DNTT: variants seen among roughly 807,000 people sequenced by gnomAD.
The protein encoded by DNTT is DNA nucleotidylexotransferase.
DNTT carries 47 observed loss-of-function variants against 60.9 expected under a neutral mutation model. The ratio of observed to expected loss-of-function variants is 0.77; its 90% CI spans 0.61 to 0.98. DNTT has a LOEUF of 0.98. Ranked by LOEUF, DNTT falls within the 50% of genes least tolerant of loss-of-function variation. DNTT has a pLI of 0.00. For missense variants in DNTT, 665 were observed against 627.5 expected (o/e 1.06, Z -0.64); for synonymous variants, 224 against 221.2 (o/e 1.01, Z -0.11).
chr10:96,312,571 A>G (rs1844732770), intron 1 of DNTT, among the ~76,000 whole-genome samples: 1 of 152,222 alleles, frequency 6.6e-6, no homozygotes, highest in African/African-American at 2.4e-5. Flanking sequence ...TCAGCAGAAG[A>G]ATACAGGGCA....
chr10:96,328,567 C>CAGCG (rs1172887208), intron 7 of DNTT, among the ~76,000 whole-genome samples, 158 bp from the exon 8 acceptor site: 1 of 152,076 alleles, frequency 6.6e-6, no homozygotes. Context: ...TTGTAAGGAA[C>CAGCG]AGCGATGTGT....
At position 96,324,367 on chromosome 10, in the gene DNTT, A is replaced by G. The variant is rs1482017175; in HGVS notation, c.852A>G (p.Lys284=). Reference sequence around the variant, plus strand: ...AAGTAAGGTCGGACAAAAGCCTGAAATTTACACGAATGCAGAAAGCAGGTA... The same window carrying G: ...AAGTAAGGTCGGACAAAAGCCTGAAGTTTACACGAATGCAGAAAGCAGGTA... ...LSKVRSDKSL[K]FTRMQKAGFL... Residue 284 remains lysine (K), a synonymous_variant, in exon 6 of 11, where the codon AAA becomes AAG. Coordinates refer to ENST00000371174, the MANE Select transcript of DNTT (RefSeq NM_004088.4). 1 of 1,613,856 alleles carries G rather than the reference A, an allele frequency of 6.2e-7. No individual in the cohort carries two copies. Among genetic ancestry groups the G allele is most frequent in the Non-Finnish European group, 8.5e-7 (1 of 1,179,816 alleles).
At chr10:96,334,353 G>A (rs1305020508) in intron 9 of DNTT, among the ~76,000 whole-genome samples, 1 of 152,172 alleles carries the variant, frequency 6.6e-6, no homozygotes, top group Non-Finnish European at 1.5e-5. Flanking sequence ...AAGCCAGCAC[G>A]TGGCCAGTAC....
intron 6 of DNTT, among the ~76,000 whole-genome samples, chr10:96,325,912 G>T (rs572838439): frequency 6.6e-6 from 1 of 152,222 alleles, no homozygotes; most frequent in Non-Finnish European, 1.5e-5. Flanking sequence ...AGGCTTGAGC[G>T]TGCACATGCC....
chr10:96,324,915 A>G (rs529289428), intron 6 of DNTT, among the ~76,000 whole-genome samples: 70 of 152,330 alleles, frequency 4.6e-4, no homozygotes, highest in Non-Finnish European at 8.8e-4. Flanking sequence ...GTAAAACACC[A>G]GGAAAATAGA....
chr10:96,321,251 A>G (rs1204738514), intron 4 of DNTT, among the ~76,000 whole-genome samples: 1 of 152,128 alleles, frequency 6.6e-6, no homozygotes. Context: ...GTACACTTGG[A>G]AGAGACCCAA....
At chr10:96,329,004 G>C (rs1844973380) in intron 8 of DNTT, among the ~76,000 whole-genome samples, 174 bp downstream of exon 8, 1 of 151,572 alleles carries the variant, frequency 6.6e-6, no homozygotes, top group South Asian at 2.1e-4. Flanking sequence ...TTGGGTCCTA[G>C]AGTACATGTT....
At chr10:96,313,184 TAGG>T (rs1422414570) in intron 1 of DNTT, among the ~76,000 whole-genome samples, 1 of 152,090 alleles carries the variant, frequency 6.6e-6, no homozygotes, top group Non-Finnish European at 1.5e-5. Flanking sequence ...GCCAAGAAAT[TAGG>T]AGAAGATTGA....
chr10:96,327,627 C>A, intron 7 of DNTT, 27 bp downstream of exon 7: 1 of 1,598,714 alleles, frequency 6.3e-7, no homozygotes, highest in Non-Finnish European at 8.5e-7. Context: ...GCTTTGCCTC[C>A]TCTGCCCGAA....
At chr10:96,325,507 T>C (rs1007786727) in intron 6 of DNTT, among the ~76,000 whole-genome samples, 9 of 152,240 alleles carry the variant, frequency 5.9e-5, no homozygotes, top group Non-Finnish European at 1.3e-4. Flanking sequence ...TTCATTTGGA[T>C]GAAACCCTTA....
Position 96,312,403 on chromosome 10 carries a change from C to A in DNTT, c.204-5949C>A, listed in dbSNP as rs181751163. On this transcript the variant is annotated intron_variant, in intron 1 of 10. Coordinates refer to ENST00000371174, the MANE Select transcript of DNTT (RefSeq NM_004088.4). ...AGACTGTGTGACTTTCCCTGGGACA[C>A]AATCTCTGGGACCCCAGAGCCTCAT... 9.2e-5 allele frequency among the ~76,000 whole-genome samples: 14 copies of A among 152,260 alleles called. No homozygotes were observed. The East Asian group carries it at 2.3e-3, about 25-fold the overall frequency.
intron 7 of DNTT, 124 bp downstream of exon 7, chr10:96,327,724 C>T: frequency 4.2e-6 from 6 of 1,425,880 alleles, no homozygotes; most frequent in Non-Finnish European, 5.6e-6. Context: ...ACAGCTTTAT[C>T]TCCTGCCTCT....
intron 4 of DNTT, among the ~76,000 whole-genome samples, chr10:96,321,748 C>T (rs1564872233): frequency 6.6e-6 from 1 of 152,162 alleles, no homozygotes; most frequent in East Asian, 1.9e-4. Context: ...CCTGGACCAT[C>T]ACCTGATGGT....
intron 1 of DNTT, among the ~76,000 whole-genome samples, chr10:96,306,870 C>T (rs1844644366): frequency 6.6e-6 from 1 of 152,324 alleles, no homozygotes; most frequent in African/African-American, 2.4e-5. Context: ...AGGTCTCAAA[C>T]GGAATTTCTG....
Position 96,324,131 on chromosome 10 carries a change from G to C in DNTT, c.751-135G>C. 3 of 1,217,548 alleles carry C rather than the reference G, an allele frequency of 2.5e-6. No individual in the cohort carries two copies. In the South Asian group the frequency reaches 5.5e-5, roughly 22 times the overall value. 75.4% of individuals were successfully genotyped at this position (1,217,548 alleles called of 1,614,324 possible). On this transcript the variant is annotated intron_variant, in intron 5 of 10. Coordinates refer to ENST00000371174, the MANE Select transcript of DNTT (RefSeq NM_004088.4). Reference sequence around the variant, plus strand: ...AAAAATAACCATCACCCACCTGCTCGTTATATTCAGGAGAAACTAGGTCAA... The same window carrying C: ...AAAAATAACCATCACCCACCTGCTCCTTATATTCAGGAGAAACTAGGTCAA...
chr10:96,336,481 T>TCTTA (rs931843242), intron 10 of DNTT, among the ~76,000 whole-genome samples: 11 of 152,232 alleles, frequency 7.2e-5, no homozygotes, highest in African/African-American at 2.7e-4. Flanking sequence ...GGTGTGCTAG[T>TCTTA]CTTACTGTGG....
rs777964414 is a variant in DNTT at position 96,304,554 on chromosome 10, G to A, written c.57G>A (p.Thr19=). 1.1e-5 allele frequency: 18 copies of A among 1,613,984 alleles called. No individual in the cohort carries two copies. Among genetic ancestry groups the A allele is most frequent in the Non-Finnish European group, 1.4e-5 (17 of 1,180,010 alleles). ...LSPRKKRPRQ[T]GALMASSPQD... ...CTCGGAAGAAGAGACCCCGGCAGAC[G>A]GGTGCCTTGATGGCCTCCTCTCCTC... Residue 19 remains threonine, a synonymous_variant, in exon 1 of 11, where the codon ACG becomes ACA. Coordinates refer to ENST00000371174, the MANE Select transcript of DNTT (RefSeq NM_004088.4).
intron 4 of DNTT, 127 bp downstream of exon 4, chr10:96,320,915 A>G (rs1844862021): frequency 8.9e-7 from 1 of 1,124,634 alleles, no homozygotes; most frequent in Non-Finnish European, 1.3e-6. Flanking sequence ...TTTCCTTTAT[A>G]CATATTCCTC....
chr10:96,314,331 A>G (rs1564870079), intron 1 of DNTT, among the ~76,000 whole-genome samples: 1 of 147,100 alleles, frequency 6.8e-6, no homozygotes, highest in Non-Finnish European at 1.5e-5. Flanking sequence ...CAGCCATAGG[A>G]TCAAATCCCT....
Sources: allele counts gnomAD v4.1 joint callset (sites outside exome capture counted in the v4.1 genomes callset), GRCh38; gene constraint gnomAD v4.1.1; transcripts MANE v1.5; gene names NCBI Gene and HGNC (gene_info 2026-07-23, HGNC 2026-07-21).